The following PKDREJ variants were observed in gnomAD, a reference collection of about 807,000 sequenced individuals.
PKDREJ encodes PKD and REJ homolog.
For synonymous variants in PKDREJ, 1,031 were observed against 1,095.5 expected (o/e 0.94, Z 1.16); for missense variants, 2,507 against 2,807.2 (o/e 0.89, Z 2.42).
At position 46,260,717 on chromosome 22, in the gene PKDREJ, C is replaced by T; in HGVS notation, c.2606G>A (p.Trp869Ter). 2 of 1,614,164 alleles carry T rather than the reference C, an allele frequency of 1.2e-6. No homozygotes were observed. The highest frequency in any genetic ancestry group is 1.1e-5 in the South Asian group (1 of 91,076). The change falls in exon 1 of 1, where the codon TGG becomes TAG. Residue 869 changes from tryptophan to a stop codon, truncating the protein, a stop_gained. Coordinates refer to ENST00000253255, the MANE Select transcript of PKDREJ (RefSeq NM_006071.2). LOFTEE classifies it low-confidence loss of function (END_TRUNC). The surrounding 1 kb of genome is among the most constrained non-coding windows in gnomAD (Gnocchi z 4.5). ...FNMYVKKVEK[W>*]GINQLFRNEK... is the part of the protein sequence containing the mutation. ...ATTTCTGAAGAGCTGGTTGATACCC[C>T]ACTTTTCAACTTTCTTGACATACAT...
At position 46,258,886 on chromosome 22, in the gene PKDREJ, T is replaced by C. The variant is rs920431547; in HGVS notation, c.4437A>G (p.Glu1479=). 1 of 1,614,198 alleles carries C rather than the reference T, an allele frequency of 6.2e-7. No homozygotes were observed. Among genetic ancestry groups the C allele is most frequent in the African/African-American group, 1.3e-5 (1 of 75,040 alleles). The change falls in exon 1 of 1, where the codon GAA becomes GAG. Residue 1479 remains glutamate (E), a synonymous_variant. Coordinates refer to ENST00000253255, the MANE Select transcript of PKDREJ (RefSeq NM_006071.2). The surrounding 1 kb of genome is among the most constrained non-coding windows in gnomAD (Gnocchi z 6.1). ...LMSEASEHWE[E]YLRKWHAYET... ...CGTAAGCATGCCACTTTCTCAAGTA[T>C]TCTTCCCAGTGCTCACTTGCTTCTG...
chr22:46,259,559 C>T lies in PKDREJ; in HGVS notation c.3764G>A (p.Arg1255Lys). The change falls in exon 1 of 1, where the codon AGA becomes AAA. Residue 1255 changes from arginine (R) to lysine (K), a missense_variant. Transcript: ENST00000253255. The surrounding 1 kb of genome is among the most constrained non-coding windows in gnomAD (Gnocchi z 6.8). ...CACGTCGCTGGTACTCACAGTTCCT[C>T]TAAGTTGCACAAAGACATTGGCCCT... ...GTRANVFVQL[R>K]GTVSTSDVHC... The T allele has an allele frequency of 1.2e-6, 2 of 1,614,190 alleles. No individual in the cohort carries two copies. Among genetic ancestry groups the T allele is most frequent in the South Asian group, 1.1e-5 (1 of 91,074 alleles).
Position 46,262,113 on chromosome 22 carries a change from C to T in PKDREJ, c.1210G>A (p.Ala404Thr), listed in dbSNP as rs370809744. 70 of 1,614,188 alleles carry T rather than the reference C, an allele frequency of 4.3e-5. No homozygotes were observed. Among genetic ancestry groups the T allele is most frequent in the Admixed American group, 1.5e-4 (9 of 60,022 alleles). Residue 404 changes from alanine (A) to threonine (T), a missense_variant, in exon 1 of 1, where the codon GCC becomes ACC. Ala to Thr is a moderately conservative substitution (Grantham distance 58, BLOSUM62 0). Transcript: ENST00000253255. This position sits in a 1 kb window ranked among gnomAD's most constrained non-coding sequence, Gnocchi z 8.1. The part of the protein sequence containing the change: ...GSKEVCHPEQ[A>T]NLKWPWASGP... ...GAGGCCCAGGGCCATTTCAGATTGG[C>T]CTGCTCGGGGTGACAGACTTCCTTG...
In PKDREJ at chr22:46,262,607, G is replaced by A. The variant is rs1215864489; in HGVS notation, c.716C>T (p.Ala239Val). Reference protein sequence around the residue: ...APVRLSMQAEATINASVQLDC... With the variant: ...APVRLSMQAEVTINASVQLDC... ...CAGCTGCACCGAGGCGTTGATGGTG[G>A]CCTCCGCCTGCATGCTCAGGCGCAC... The change falls in exon 1 of 1, where the codon GCC becomes GTC. Residue 239 changes from alanine (A) to valine (V), a missense_variant. By Grantham distance (64) the Ala-to-Val change is moderately conservative (BLOSUM62 0). Transcript: ENST00000253255. This position sits in a 1 kb window ranked among gnomAD's most constrained non-coding sequence, Gnocchi z 8.1. 3.7e-6 allele frequency: 6 copies of A among 1,612,580 alleles called. No homozygotes were observed. In the African/African-American group the frequency reaches 4.0e-5, roughly 11 times the overall value.
Position 46,261,467 on chromosome 22 carries a change from G to C in PKDREJ, c.1856C>G (p.Thr619Ser). Reference protein sequence around the residue: ...ISSVKENTLGTILYLGPQSTV... With the variant: ...ISSVKENTLGSILYLGPQSTV... ...GGACTGAGGCCCCAAGTACAGGATG[G>C]TCCCCAGGGTGTTCTCTTTTACTGA... The change falls in exon 1 of 1, where the codon ACC (threonine) becomes AGC (serine). Residue 619 changes from threonine (T) to serine (S), a missense_variant. By Grantham distance (58) the Thr-to-Ser change is moderately conservative. Transcript: ENST00000253255. The surrounding 1 kb of genome is among the most constrained non-coding windows in gnomAD (Gnocchi z 7.1). 1 of 1,614,110 alleles carries C rather than the reference G, an allele frequency of 6.2e-7. No individual in the cohort carries two copies. The highest frequency in any genetic ancestry group is 8.5e-7 in the Non-Finnish European group (1 of 1,180,018).
rs763537174 is a variant in PKDREJ, at chr22:46,256,365, C to G, written c.*196G>C. 30 of 854,032 alleles carry G rather than the reference C, an allele frequency of 3.5e-5. No individual in the cohort carries two copies. The highest frequency in any genetic ancestry group is 4.9e-5 in the Non-Finnish European group (28 of 572,724). The allele number at this position is 854,032 out of a possible 1,614,324, so 52.9% of individuals were successfully genotyped here. On this transcript the variant is annotated 3_prime_UTR_variant, in exon 1 of 1. Transcript: ENST00000253255. The surrounding 1 kb of genome is among the most constrained non-coding windows in gnomAD (Gnocchi z 5.3). Reference sequence around the variant, plus strand: ...TGTGATCCTGCTGTCTCCCCAGATGCTACACTACACTCCCAACTTTTACAC... The same window carrying G: ...TGTGATCCTGCTGTCTCCCCAGATGGTACACTACACTCCCAACTTTTACAC...
At position 46,257,587 on chromosome 22, in the gene PKDREJ, C is replaced by A. The variant is rs775311485; in HGVS notation, c.5736G>T (p.Trp1912Cys). The A allele has an allele frequency of 3.7e-6, 6 of 1,614,034 alleles. No homozygotes were observed. The African/African-American group carries it at 8.0e-5, about 22-fold the overall frequency. The change falls in exon 1 of 1, where the codon TGG becomes TGT. Residue 1912 changes from tryptophan (W) to cysteine (C), a missense_variant. Coordinates refer to ENST00000253255, the MANE Select transcript of PKDREJ (RefSeq NM_006071.2). The surrounding 1 kb of genome is among the most constrained non-coding windows in gnomAD (Gnocchi z 4.7). The stretch of plus-strand genomic sequence containing the variant: ...AAGTTGTTAATTCCAAAACCACAGC[C>A]CATGTCTTCTCATCCAGCCAATTGC... ...QESNWLDEKT[W>C]AVVLELTTFN...
chr22:46,260,214 A>G lies in PKDREJ; in HGVS notation c.3109T>C (p.Phe1037Leu), dbSNP rs1936680602. The G allele has an allele frequency of 6.2e-7, 1 of 1,614,138 alleles. No homozygotes were observed. The highest frequency in any genetic ancestry group is 8.5e-7 in the Non-Finnish European group (1 of 1,180,026). Residue 1037 changes from phenylalanine (F) to leucine (L), a missense_variant, in exon 1 of 1, where the codon TTT becomes CTT. Physicochemically the swap from Phe to Leu is conservative, Grantham distance 22. Coordinates refer to ENST00000253255, the MANE Select transcript of PKDREJ (RefSeq NM_006071.2). This position sits in a 1 kb window ranked among gnomAD's most constrained non-coding sequence, Gnocchi z 4.5. ...TCAAACAGGGCACTCTGGCTGGCAA[A>G]TGGAGGGATGTCATGAGGCACCAGG... is the stretch of plus-strand genomic sequence containing the variant. ...TFLVPHDIPP[F>L]ASQSALFDPA...
chr22:46,261,707 A>G lies in PKDREJ; in HGVS notation c.1616T>C (p.Leu539Pro), dbSNP rs1936698381. 1.2e-6 allele frequency: 2 copies of G among 1,614,054 alleles called. No homozygotes were observed. Among genetic ancestry groups the G allele is most frequent in the Non-Finnish European group, 1.7e-6 (2 of 1,180,002 alleles). The change falls in exon 1 of 1, where the codon CTG becomes CCG. Residue 539 changes from leucine to proline, a missense_variant. By Grantham distance (98) the Leu-to-Pro change is moderately conservative (BLOSUM62 -3). Coordinates refer to ENST00000253255, the MANE Select transcript of PKDREJ (RefSeq NM_006071.2). This position sits in a 1 kb window ranked among gnomAD's most constrained non-coding sequence, Gnocchi z 7.1. ...CACTCCACTCCAACATGCTAGATACAGAGAAATCGAAAACTCAGCTTCCAA... is the reference window on the plus strand; with the variant it reads ...CACTCCACTCCAACATGCTAGATACGGAGAAATCGAAAACTCAGCTTCCAA... ...HFLEAEFSIS[L>P]YLACWSGVTS...
Position 46,258,733 on chromosome 22 carries a change from G to C in PKDREJ, c.4590C>G (p.Thr1530=), listed in dbSNP as rs761857582. The change falls in exon 1 of 1, where the codon ACC becomes ACG. Residue 1530 remains threonine (T), a synonymous_variant. Transcript: ENST00000253255. This position sits in a 1 kb window ranked among gnomAD's most constrained non-coding sequence, Gnocchi z 6.1. ...KHRHRKAQIK[T]PETLGPNTNS... is the part of the protein sequence containing the mutation. ...TTGTATTTGGCCCGAGGGTCTCCGGGGTCTTGATTTGTGCTTTCCTATGCC... is the reference window on the plus strand; with the variant it reads ...TTGTATTTGGCCCGAGGGTCTCCGGCGTCTTGATTTGTGCTTTCCTATGCC... 6.2e-7 allele frequency: 1 copy of C among 1,614,136 alleles called. No individual in the cohort carries two copies. Among genetic ancestry groups the C allele is most frequent in the East Asian group, 2.2e-5 (1 of 44,884 alleles).
chr22:46,261,206 G>A lies in PKDREJ; in HGVS notation c.2117C>T (p.Ala706Val), dbSNP rs373792446. 29 of 1,613,890 alleles carry A rather than the reference G, an allele frequency of 1.8e-5. No individual in the cohort carries two copies. The highest frequency in any genetic ancestry group is 2.3e-5 in the Non-Finnish European group (27 of 1,179,968). Residue 706 changes from alanine to valine, a missense_variant, in exon 1 of 1, where the codon GCA becomes GTA. Transcript: ENST00000253255. This position sits in a 1 kb window ranked among gnomAD's most constrained non-coding sequence, Gnocchi z 7.1. ...AGCTACTATATACAGTAAGTAACCT[G>A]CAGGTAAAAAATCCTTCTTTTGAAT... ...TLIQKKDFLPAGYLLYIVASV... is the reference protein window; with the variant it reads ...TLIQKKDFLPVGYLLYIVASV...
In PKDREJ at chr22:46,259,736, A is replaced by T; in HGVS notation, c.3587T>A (p.Leu1196Ter). The T allele has an allele frequency of 6.2e-7, 1 of 1,614,230 alleles. No homozygotes were observed. Among genetic ancestry groups the T allele is most frequent in the Non-Finnish European group, 8.5e-7 (1 of 1,180,034 alleles). The change falls in exon 1 of 1, where the codon TTA (leucine) becomes TAA (stop). Residue 1196 changes from leucine (L) to a stop codon, truncating the protein, a stop_gained. Transcript: ENST00000253255. LOFTEE classifies it low-confidence loss of function (END_TRUNC). This position sits in a 1 kb window ranked among gnomAD's most constrained non-coding sequence, Gnocchi z 6.8. ...TLFTVLFIIL[L>*]YVGLAFWALY... ...AGCCCAAAAAGCTAGGCCCACGTAT[A>T]AGAGAATAATGAAAAGCACAGTGAA...
Position 46,258,419 on chromosome 22 carries a change from C to T in PKDREJ, c.4904G>A (p.Gly1635Asp), listed in dbSNP as rs1936657326. The change falls in exon 1 of 1, where the codon GGC (glycine) becomes GAC (aspartate). Residue 1635 changes from glycine (G) to aspartate (D), a missense_variant. By Grantham distance (94) the Gly-to-Asp change is moderately conservative. Transcript: ENST00000253255. The surrounding 1 kb of genome is among the most constrained non-coding windows in gnomAD (Gnocchi z 6.1). The stretch of plus-strand genomic sequence containing the variant: ...ATACTTGGGTTTATTCGTTCTGAAG[C>T]CTGACAGGAGTATAATTTTAGATGG... ...VQPSKIILLS[G>D]FRTNKPKYCK... 6.2e-7 allele frequency: 1 copy of T among 1,614,072 alleles called. No homozygotes were observed. Among genetic ancestry groups the T allele is most frequent in the African/African-American group, 1.3e-5 (1 of 75,030 alleles).
At position 46,261,548 on chromosome 22, in the gene PKDREJ, A is replaced by G; in HGVS notation, c.1775T>C (p.Val592Ala). Residue 592 changes from valine to alanine, a missense_variant, in exon 1 of 1, where the codon GTC (valine) becomes GCC (alanine). Physicochemically the swap from Val to Ala is moderately conservative, Grantham distance 64 (BLOSUM62 0). Transcript: ENST00000253255. The surrounding 1 kb of genome is among the most constrained non-coding windows in gnomAD (Gnocchi z 7.1). ...VQCSNFRDKH[V>A]PLTYKIIVSD... ...AACAATTATTTTATATGTAAGAGGG[A>G]CGTGCTTATCCCTAAAATTACTACA... 6.2e-7 allele frequency: 1 copy of G among 1,614,146 alleles called. No individual in the cohort carries two copies. Among genetic ancestry groups the G allele is most frequent in the Non-Finnish European group, 8.5e-7 (1 of 1,179,988 alleles).
Position 46,258,065 on chromosome 22 carries a change from G to A in PKDREJ, c.5258C>T (p.Thr1753Ile), listed in dbSNP as rs746400658. The change falls in exon 1 of 1, where the codon ACT (threonine) becomes ATT (isoleucine). Residue 1753 changes from threonine to isoleucine, a missense_variant. Transcript: ENST00000253255. This position sits in a 1 kb window ranked among gnomAD's most constrained non-coding sequence, Gnocchi z 6.1. ...IRDRFSMDLA[T>I]VTKLEDIYRW... Reference sequence around the variant, plus strand: ...ATAGATGTCTTCCAGCTTAGTCACAGTAGCAAGATCCATAGAGAACCGATC... The same window carrying A: ...ATAGATGTCTTCCAGCTTAGTCACAATAGCAAGATCCATAGAGAACCGATC... 6.2e-7 allele frequency: 1 copy of A among 1,614,066 alleles called. No homozygotes were observed. Among genetic ancestry groups the A allele is most frequent in the South Asian group, 1.1e-5 (1 of 91,078 alleles).
In PKDREJ at chr22:46,260,543, T is replaced by C; in HGVS notation, c.2780A>G (p.Glu927Gly). 1.2e-6 allele frequency: 2 copies of C among 1,614,152 alleles called. No homozygotes were observed. The highest frequency in any genetic ancestry group is 1.7e-6 in the Non-Finnish European group (2 of 1,180,022). The change falls in exon 1 of 1, where the codon GAG (glutamate) becomes GGG (glycine). Residue 927 changes from glutamate to glycine, a missense_variant. Glu to Gly is a moderately conservative substitution (Grantham distance 98). Transcript: ENST00000253255. The surrounding 1 kb of genome is among the most constrained non-coding windows in gnomAD (Gnocchi z 4.5). ...TCCTGTCATTCTGAATCCAGACACC[T>C]CCACCGAAGTGTTTTCCTGATCATT... ...WLNDQENTSV[E>G]VSGFRMTGVA...
rs934799648 is a variant in PKDREJ at position 46,258,939 on chromosome 22, C to A, written c.4384G>T (p.Val1462Leu). ...ATTAGAGGATGCTTTTGAGGAGATA[C>A]CTCCTTTAGATCCGCTTGAGGTTTC... ...QRKPQADLKE[V>L]SPQKHPLMSE... Residue 1462 changes from valine to leucine, a missense_variant, in exon 1 of 1, where the codon GTA becomes TTA. Val to Leu is a conservative substitution (Grantham distance 32). Transcript: ENST00000253255. The surrounding 1 kb of genome is among the most constrained non-coding windows in gnomAD (Gnocchi z 6.1). The A allele has an allele frequency of 1.2e-6, 2 of 1,614,112 alleles. No homozygotes were observed. Among genetic ancestry groups the A allele is most frequent in the East Asian group, 2.2e-5 (1 of 44,892 alleles).
At position 46,258,610 on chromosome 22, in the gene PKDREJ, G is replaced by C; in HGVS notation, c.4713C>G (p.Val1571=). 1 of 1,614,242 alleles carries C rather than the reference G, an allele frequency of 6.2e-7. No individual in the cohort carries two copies. The change falls in exon 1 of 1, where the codon GTC becomes GTG. Residue 1571 remains valine (V), a synonymous_variant. Transcript: ENST00000253255. This position sits in a 1 kb window ranked among gnomAD's most constrained non-coding sequence, Gnocchi z 6.1. ...CAACATAAACACACCACCAAGGTAG[G>C]ACGATCCGGGGCTTTTTCTTAAGCT... ...LQQLKKKPRI[V]LPWWCVYVAW... is the part of the protein sequence containing the mutation.
chr22:46,261,944 A>T lies in PKDREJ; in HGVS notation c.1379T>A (p.Ile460Asn), dbSNP rs1309500817. Residue 460 changes from isoleucine to asparagine, a missense_variant, in exon 1 of 1, where the codon ATC becomes AAC. Coordinates refer to ENST00000253255, the MANE Select transcript of PKDREJ (RefSeq NM_006071.2). The surrounding 1 kb of genome is among the most constrained non-coding windows in gnomAD (Gnocchi z 7.1). ...VLQGPKAIAH[I>N]TCIENCERNF... is the part of the protein sequence containing the mutation. ...TCTCTCACAATTTTCGATACATGTG[A>T]TGTGTGCTATGGCTTTTGGTCCTTG... 1 of 1,614,034 alleles carries T rather than the reference A, an allele frequency of 6.2e-7. No homozygotes were observed. The highest frequency in any genetic ancestry group is 8.5e-7 in the Non-Finnish European group (1 of 1,180,024).
Sources: allele counts gnomAD v4.1 joint callset, GRCh38; gene constraint gnomAD v4.1.1; non-coding constraint Gnocchi (gnomAD v3.1); transcripts MANE v1.5; gene names NCBI Gene and HGNC (gene_info 2026-07-23, HGNC 2026-07-21).